Variants in PREX1 observed in about 807,000 individuals in gnomAD.
PREX1 encodes phosphatidylinositol 3,4,5-trisphosphate-dependent Rac exchanger 1 protein.
In PREX1, 41 loss-of-function variants were observed where a neutral mutation model predicts 198.3. The ratio of observed to expected loss-of-function variants is 0.21; its 90% CI spans 0.16 to 0.27. The LOEUF is 0.27. PREX1 is among the 10% of genes least tolerant of loss of function. PREX1 has a pLI of 1.00. For missense variants in PREX1, 1,620 were observed against 2,200.7 expected (o/e 0.74, Z 5.28); for synonymous variants, 843 against 887.2 (o/e 0.95, Z 0.89).
At position 48,632,437 on chromosome 20, in the gene PREX1, G is replaced by A. The variant is rs750354163; in HGVS notation, c.4412-46C>T. 1.9e-6 allele frequency: 3 copies of A among 1,613,326 alleles called. No individual in the cohort carries two copies. In the South Asian group the frequency reaches 3.3e-5, roughly 18 times the overall value. Reference sequence around the variant, plus strand: ...GGCGGGCAGGCGGTTGGGAGCCGGTGTGCTTGGTGGCCTTGGCCCGGCCCC... The same window carrying A: ...GGCGGGCAGGCGGTTGGGAGCCGGTATGCTTGGTGGCCTTGGCCCGGCCCC... On this transcript the variant is annotated intron_variant, in intron 34 of 39. Coordinates refer to ENST00000371941, the MANE Select transcript of PREX1 (RefSeq NM_020820.4).
chr20:48,727,264 T>C (rs1050239801), intron 4 of PREX1, among the ~76,000 whole-genome samples: 1 of 152,094 alleles, frequency 6.6e-6, no homozygotes, highest in African/African-American at 2.4e-5. Flanking sequence ...ACCTCTATTT[T>C]GGCTTGCAGA....
At chr20:48,875,277 T>A in the PREX1 span, among the ~76,000 whole-genome samples, 1 of 151,792 alleles carries the variant, frequency 6.6e-6, no homozygotes, top group Admixed American at 6.6e-5. Flanking sequence ...GGAAGAGAGA[T>A]CCCCGCAGAG....
chr20:48,866,244 A>T, the PREX1 span, among the ~76,000 whole-genome samples: 6 of 152,166 alleles, frequency 3.9e-5, no homozygotes, highest in African/African-American at 4.8e-5. Flanking sequence ...AATGTTTTTT[A>T]AAAAATATTA....
At chr20:48,658,021 G>A (rs774467562) in intron 17 of PREX1, 115 bp downstream of exon 17, 39 of 1,001,558 alleles carry the variant, frequency 3.9e-5, no homozygotes, top group Non-Finnish European at 5.5e-5. Flanking sequence ...TGAGAGAAGA[G>A]GAGTCAGCGA....
intron 1 of PREX1, among the ~76,000 whole-genome samples, chr20:48,789,741 G>A (rs1180363597): frequency 6.6e-6 from 1 of 152,198 alleles, no homozygotes. Flanking sequence ...ACAATGTTGT[G>A]ACTGGTATTT....
intron 13 of PREX1, among the ~76,000 whole-genome samples, chr20:48,677,864 T>TA (rs1186034863): frequency 6.6e-6 from 1 of 151,516 alleles, no homozygotes; most frequent in African/African-American, 2.4e-5. Context: ...TGCATGCCTG[T>TA]AATCCCAGCT....
intron 27 of PREX1, chr20:48,642,696 G>T (rs1568797345): frequency 1.9e-5 from 10 of 535,784 alleles, no homozygotes; most frequent in Non-Finnish European, 2.6e-5. Context: ...ATGGACAACA[G>T]GCACTAACGC....
chr20:48,716,228 A>G (rs188528328), intron 5 of PREX1, among the ~76,000 whole-genome samples: 244 of 152,260 alleles, frequency 1.6e-3, no homozygotes, highest in African/African-American at 5.6e-3. Flanking sequence ...TGGGGCCCCA[A>G]GCGAAGGCTT....
intron 15 of PREX1, among the ~76,000 whole-genome samples, chr20:48,660,779 A>G (rs919446870): frequency 1.6e-4 from 24 of 152,360 alleles, no homozygotes; most frequent in Middle Eastern, 3.4e-3. Context: ...CAACTAGAAA[A>G]AGCTCAGAAG....
intron 1 of PREX1, among the ~76,000 whole-genome samples, chr20:48,791,771 A>C (rs1300780421): frequency 6.6e-6 from 1 of 152,222 alleles, no homozygotes; most frequent in South Asian, 2.1e-4. Flanking sequence ...GGTTTGGCCC[A>C]CAGTCATGTT....
In PREX1 at chr20:48,746,488, G is replaced by C. The variant is rs147945430; in HGVS notation, c.291+1321C>G. On this transcript the variant is annotated intron_variant, in intron 2 of 39. Coordinates refer to ENST00000371941, the MANE Select transcript of PREX1 (RefSeq NM_020820.4). ...AACCACAGCTACACACAACATCATGGGCAAATCCCAGAGGCAGGCAGGGAC... is the reference window on the plus strand; with the variant it reads ...AACCACAGCTACACACAACATCATGCGCAAATCCCAGAGGCAGGCAGGGAC... 2.3e-3 allele frequency among the ~76,000 whole-genome samples: 355 copies of C among 152,218 alleles called. 4 individuals carry two copies. The East Asian group carries it at 0.045, about 19-fold the overall frequency.
At chr20:48,752,790 G>A (rs564420734) in intron 1 of PREX1, among the ~76,000 whole-genome samples, 157 of 152,170 alleles carry the variant, frequency 1.0e-3, no homozygotes, top group Non-Finnish European at 1.6e-3. Context: ...AATCAGTCTC[G>A]GGTCATGTTC....
rs140910800 is a variant in PREX1, at chr20:48,769,427, T to C, written c.220-21547A>G. ...ACTCTACCGTCGTCGCTGGGGCATC[T>C]CTAGGAGCCCCAGCACCCACTAGGC... On this transcript the variant is annotated intron_variant, in intron 1 of 39. Transcript: ENST00000371941. Among the ~76,000 whole-genome samples the C allele has an allele frequency of 3.5e-3, 538 of 152,240 alleles. 6 individuals are homozygous for C. The highest frequency in any genetic ancestry group is 0.012 in the African/African-American group (512 of 41,548).
At chr20:48,841,804 C>G in the PREX1 span, among the ~76,000 whole-genome samples, 7 of 152,272 alleles carry the variant, frequency 4.6e-5, no homozygotes, top group South Asian at 1.5e-3. Context: ...ACTAACCCCC[C>G]GCCCACCCTA....
chr20:48,782,905 T>G (rs775993357), intron 1 of PREX1, among the ~76,000 whole-genome samples: 1 of 152,068 alleles, frequency 6.6e-6, no homozygotes, highest in Non-Finnish European at 1.5e-5. Context: ...GTTAGCAAGA[T>G]CGCTCTGGTT....
At position 48,636,452 on chromosome 20, in the gene PREX1, C is replaced by A. The variant is rs1004801674; in HGVS notation, c.4167+11G>T. 2 of 1,595,174 alleles carry A rather than the reference C, an allele frequency of 1.3e-6. No homozygotes were observed. Among genetic ancestry groups the A allele is most frequent in the African/African-American group, 1.3e-5 (1 of 74,804 alleles). ...GGCCAGCGGGGCCGCCCTCCCGCCC[C>A]ACTCACTCACCACTGTGGCTGGCGA... is the stretch of plus-strand genomic sequence containing the variant. On this transcript the variant is annotated intron_variant, in intron 32 of 39. Coordinates refer to ENST00000371941, the MANE Select transcript of PREX1 (RefSeq NM_020820.4).
intron 4 of PREX1, among the ~76,000 whole-genome samples, chr20:48,727,983 T>C (rs73256449): frequency 0.02 from 3,114 of 152,340 alleles, 108 homozygotes; most frequent in African/African-American, 0.072. Context: ...AGGCTCACTA[T>C]GTGCCCATTA....
chr20:48,751,909 T>C (rs2090135805), intron 1 of PREX1, among the ~76,000 whole-genome samples: 3 of 152,154 alleles, frequency 2.0e-5, no homozygotes, highest in Admixed American at 6.5e-5. Context: ...CTACCCAGCT[T>C]TGGCAAATCT....
chr20:48,708,226 C>T (rs533314771), intron 6 of PREX1, 34 bp downstream of exon 6: 15 of 1,605,168 alleles, frequency 9.3e-6, no homozygotes, highest in South Asian at 5.5e-5. Flanking sequence ...TGGCCCCCTG[C>T]GGCCCAGGAA....
Sources: gnomAD v4.1 joint callset for allele counts (sites outside exome capture counted in the v4.1 genomes callset) on GRCh38, gnomAD v4.1.1 for gene constraint, MANE v1.5 for transcripts, NCBI Gene and HGNC (gene_info 2026-07-23, HGNC 2026-07-21) for gene names.